ACOXL: variants seen among roughly 807,000 people sequenced by gnomAD.
The protein encoded by ACOXL is acyl-CoA oxidase like.
ACOXL carries 70 observed loss-of-function variants against 71.9 expected under a neutral mutation model. The observed-to-expected ratio is 0.97, with a 90% CI of 0.80 to 1.19. The LOEUF (loss-of-function observed/expected upper bound fraction) is 1.19. Among genes scored for constraint, ACOXL ranks in the 50% most tolerant of loss-of-function variants. The pLI is 0.00. For synonymous variants in ACOXL, 253 were observed against 281.6 expected, an observed-to-expected ratio of 0.90 and a Z score of 1.02; for missense variants, 703 against 736.3, an observed-to-expected ratio of 0.95 and a Z score of 0.52.
intron 9 of ACOXL, among the ~76,000 whole-genome samples, chr2:110,818,438 T>A (rs1301580518): frequency 1.9e-4 from 27 of 145,864 alleles, no homozygotes; most frequent in Non-Finnish European, 3.6e-4. Flanking sequence ...TGTGTGTGTG[T>A]GTGTGTGTGT....
rs148596635 is a variant in ACOXL, at chr2:110,933,624, C to A, written c.1041C>A (p.Arg347=). 3 of 1,612,076 alleles carry A rather than the reference C, an allele frequency of 1.9e-6. No individual in the cohort carries two copies. The highest frequency in any genetic ancestry group is 2.5e-6 in the Non-Finnish European group (3 of 1,179,556). The part of the protein sequence containing the change: ...WENIRCLQDC[R]ECTGGMVVGR... Reference sequence around the variant, plus strand: ...ACATCCGCTGCCTGCAGGACTGCCGCGAGTGCACTGGAGGCATGGTGAGCC... The same window carrying A: ...ACATCCGCTGCCTGCAGGACTGCCGAGAGTGCACTGGAGGCATGGTGAGCC... The change falls in exon 12 of 18, where the codon CGC becomes CGA. Residue 347 remains arginine (R), a synonymous_variant. Transcript: ENST00000439055.
rs867154109 is a variant in ACOXL at position 110,933,499 on chromosome 2, G to T, written c.916G>T (p.Ala306Ser). 3.7e-6 allele frequency: 6 copies of T among 1,613,948 alleles called. No homozygotes were observed. The highest frequency in any genetic ancestry group is 5.1e-6 in the Non-Finnish European group (6 of 1,179,888). ...TGCTTTGTCCTGCAGGTATGCTGGG[G>T]CCCTCCTGGATGAGGATGTCTTCCA... is the stretch of plus-strand genomic sequence containing the variant. ...ALTFVSRYAG[A>S]LLDEDVFQGK... Residue 306 changes from alanine (A) to serine (S), a missense_variant, in exon 12 of 18, where the codon GCC becomes TCC. Coordinates refer to ENST00000439055, the MANE Select transcript of ACOXL (RefSeq NM_001142807.4).
chr2:111,018,617 C>T (rs1014530145), intron 14 of ACOXL, among the ~76,000 whole-genome samples: 6 of 152,010 alleles, frequency 3.9e-5, no homozygotes, highest in Non-Finnish European at 4.4e-5. Flanking sequence ...TTCTGAGGTC[C>T]GTGCTGAGAG....
chr2:110,840,724 C>T (rs1407548445), intron 9 of ACOXL, among the ~76,000 whole-genome samples: 2 of 152,214 alleles, frequency 1.3e-5, no homozygotes, highest in African/African-American at 4.8e-5. Context: ...CCTCAACCTC[C>T]ACTTGTTGCT....
At chr2:110,768,511 TG>T in intron 2 of ACOXL, 47 bp downstream of exon 2, 1 of 1,403,006 alleles carries the variant, frequency 7.1e-7, no homozygotes, top group South Asian at 1.2e-5. Flanking sequence ...TGTGTGTGTG[TG>T]TGAGAGAGAG....
At chr2:110,846,635 A>G (rs1691871245) in intron 10 of ACOXL, among the ~76,000 whole-genome samples, 1 of 128,892 alleles carries the variant, frequency 7.8e-6, no homozygotes, top group South Asian at 2.7e-4. Flanking sequence ...GCAAGTATGC[A>G]TACACGCACA....
rs977663167 is a variant in ACOXL, at chr2:110,934,902, G to T, written c.1059+1260G>T. Reference sequence around the variant, plus strand: ...AGAATGAAATAATAGCTGGCCTAGGGTGCAGCTGGCCAGGAGCTGAGGTCC... The same window carrying T: ...AGAATGAAATAATAGCTGGCCTAGGTTGCAGCTGGCCAGGAGCTGAGGTCC... On this transcript the variant is annotated intron_variant, in intron 12 of 17. Transcript: ENST00000439055. 5.9e-5 allele frequency among the ~76,000 whole-genome samples: 9 copies of T among 152,288 alleles called. No individual in the cohort carries two copies. The East Asian group carries it at 1.5e-3, about 26-fold the overall frequency.
At chr2:110,943,063 AGAAG>A (rs575085963) in intron 12 of ACOXL, among the ~76,000 whole-genome samples, 1 of 138,504 alleles carries the variant, frequency 7.2e-6, no homozygotes, top group Non-Finnish European at 1.6e-5. Context: ...AAGAAAAGGA[AGAAG>A]GAAGGAAGAA....
intron 10 of ACOXL, among the ~76,000 whole-genome samples, chr2:110,897,506 G>A (rs1055552156): frequency 6.6e-6 from 1 of 152,130 alleles, no homozygotes; most frequent in Non-Finnish European, 1.5e-5. Flanking sequence ...GAGCAAGAGA[G>A]GTCAAAATAG....
intron 9 of ACOXL, among the ~76,000 whole-genome samples, chr2:110,806,121 G>A (rs1686605827): frequency 6.6e-6 from 1 of 152,218 alleles, no homozygotes; most frequent in Non-Finnish European, 1.5e-5. Flanking sequence ...TCATTCCCTT[G>A]ACTCCAGGCC....
Position 111,023,563 on chromosome 2 carries a change from G to A in ACOXL, c.1282-8064G>A, listed in dbSNP as rs56659635. Among the ~76,000 whole-genome samples the A allele has an allele frequency of 5.1e-3, 774 of 152,292 alleles. 9 individuals are homozygous for A. Among genetic ancestry groups the A allele is most frequent in the African/African-American group, 0.018 (734 of 41,562 alleles). ...TGTGGGTCCGGATGGGTGTGGGGAC[G>A]TGTGGGAGAAGGGGCCCCATGGGAA... On this transcript the variant is annotated intron_variant, in intron 14 of 17. Transcript: ENST00000439055.
intron 2 of ACOXL, among the ~76,000 whole-genome samples, chr2:110,771,600 T>A (rs908105148): frequency 6.6e-6 from 1 of 152,246 alleles, no homozygotes; most frequent in Non-Finnish European, 1.5e-5. Context: ...CCCTCTGCCA[T>A]CTGTAATAGA....
intron 14 of ACOXL, among the ~76,000 whole-genome samples, chr2:111,022,546 C>T (rs974117123): frequency 6.6e-6 from 1 of 152,088 alleles, no homozygotes; most frequent in Non-Finnish European, 1.5e-5. Context: ...GCCCCTGGCA[C>T]AGGCAGGGGC....
intron 16 of ACOXL, among the ~76,000 whole-genome samples, chr2:111,060,822 GTAAATA>G (rs2066778680): frequency 6.6e-6 from 1 of 152,098 alleles, no homozygotes; most frequent in African/African-American, 2.4e-5. Flanking sequence ...CAAAGAAACA[GTAAATA>G]TAAACAACCA....
intron 11 of ACOXL, among the ~76,000 whole-genome samples, chr2:110,929,822 A>G (rs1255661811): frequency 6.6e-6 from 1 of 152,224 alleles, no homozygotes; most frequent in African/African-American, 2.4e-5. Flanking sequence ...GCAAGCCCCA[A>G]GTCTTGGCAG....
At chr2:110,813,186 A>G (rs1164683874) in intron 9 of ACOXL, among the ~76,000 whole-genome samples, 2 of 152,156 alleles carry the variant, frequency 1.3e-5, no homozygotes. Flanking sequence ...AGGAGAGGAA[A>G]GTCCTTGGGC....
chr2:111,004,188 A>G (rs1483805710), intron 14 of ACOXL, among the ~76,000 whole-genome samples: 1 of 152,250 alleles, frequency 6.6e-6, no homozygotes, highest in Non-Finnish European at 1.5e-5. Flanking sequence ...CCTGTGATTT[A>G]GTTCAGAATC....
At chr2:110,892,450 T>C (rs2149153387) in intron 10 of ACOXL, among the ~76,000 whole-genome samples, 1 of 152,232 alleles carries the variant, frequency 6.6e-6, no homozygotes, top group African/African-American at 2.4e-5. Flanking sequence ...ATGACAGATG[T>C]GTTCATCCAA....
intron 16 of ACOXL, among the ~76,000 whole-genome samples, chr2:111,058,262 G>A (rs919950044): frequency 6.6e-6 from 1 of 152,190 alleles, no homozygotes; most frequent in African/African-American, 2.4e-5. Flanking sequence ...AAAGTTCCCA[G>A]GAGACATCTC....
Sources: gnomAD v4.1 joint callset for allele counts (sites outside exome capture counted in the v4.1 genomes callset) on GRCh38, gnomAD v4.1.1 for gene constraint, MANE v1.5 for transcripts, NCBI Gene and HGNC (gene_info 2026-07-23, HGNC 2026-07-21) for gene names.